The following BARD1 variants were observed in gnomAD, a reference collection of about 807,000 sequenced individuals.
The protein encoded by BARD1 is BRCA1 associated RING domain 1, also known as BRCA1-associated RING domain protein 1.
A neutral mutation model predicts 77.0 loss-of-function variants in BARD1; 73 were observed. The observed-to-expected ratio is 0.95, with a 90% CI of 0.79 to 1.15. The LOEUF (loss-of-function observed/expected upper bound fraction) is 1.15, where lower values mean the gene tolerates loss of function less well. Among genes scored for constraint, BARD1 ranks in the 50% most tolerant of loss-of-function variants. The pLI, the probability that BARD1 is intolerant of heterozygous loss-of-function variation, is 0.00. For missense variants in BARD1, 993 were observed against 938.8 expected, an observed-to-expected ratio of 1.06 and a Z score of -0.75; for synonymous variants, 384 against 338.0, an observed-to-expected ratio of 1.14 and a Z score of -1.49.
In BARD1 at chr2:214,768,841, G is replaced by A. The variant is rs1481179381; in HGVS notation, c.1395+391C>T. On this transcript the variant is annotated intron_variant, in intron 5 of 10. Coordinates refer to ENST00000260947, the MANE Select transcript of BARD1 (RefSeq NM_000465.4). Reference sequence around the variant, plus strand: ...AGTGAGGCTAAGATAGACCCTCAGTGAGAATTACTTCCTTGTGATCACTTT... The same window carrying A: ...AGTGAGGCTAAGATAGACCCTCAGTAAGAATTACTTCCTTGTGATCACTTT... 2.6e-5 allele frequency among the ~76,000 whole-genome samples: 4 copies of A among 152,192 alleles called. No individual in the cohort carries two copies. The East Asian group carries it at 5.8e-4, about 22-fold the overall frequency.
chr2:214,745,446 AATTT>A (rs1195064951), intron 8 of BARD1, among the ~76,000 whole-genome samples: 1 of 152,180 alleles, frequency 6.6e-6, no homozygotes, highest in Non-Finnish European at 1.5e-5. Context: ...ACTGCACAAC[AATTT>A]ATTTGTCACT....
chr2:214,792,272 T>A (rs751915596), intron 3 of BARD1, 25 bp downstream of exon 3: 1 of 1,610,886 alleles, frequency 6.2e-7, no homozygotes, highest in Admixed American at 1.7e-5. Flanking sequence ...TGAATTTAAC[T>A]AAGAGAGATA....
intron 1 of BARD1, among the ~76,000 whole-genome samples, chr2:214,798,991 T>C (rs1479711183): frequency 2.0e-5 from 3 of 151,870 alleles, no homozygotes; most frequent in Admixed American, 6.6e-5. Flanking sequence ...GTGGTGCATG[T>C]CTGTAATGCC....
chr2:214,775,433 C>T (rs547566887), intron 4 of BARD1, among the ~76,000 whole-genome samples: 1 of 152,256 alleles, frequency 6.6e-6, no homozygotes, highest in Admixed American at 6.5e-5. Context: ...TTAAGTTTGC[C>T]ATGTTACATG....
At chr2:214,800,824 C>T (rs530578207) in intron 1 of BARD1, among the ~76,000 whole-genome samples, 2 of 152,076 alleles carry the variant, frequency 1.3e-5, no homozygotes, top group Non-Finnish European at 2.9e-5. Flanking sequence ...AGAGATGCTA[C>T]AGAACTGTGG....
At chr2:214,796,384 A>G (rs1204837452) in intron 2 of BARD1, among the ~76,000 whole-genome samples, 1 of 152,248 alleles carries the variant, frequency 6.6e-6, no homozygotes, top group East Asian at 1.9e-4. Context: ...AGATGAGAAC[A>G]TTAGGGTGAG....
intron 1 of BARD1, among the ~76,000 whole-genome samples, chr2:214,800,061 T>C (rs1030455966): frequency 6.6e-5 from 10 of 152,242 alleles, no homozygotes; most frequent in African/African-American, 2.2e-4. Flanking sequence ...TCCGTAGCCT[T>C]CCGGCTTTCT....
intron 7 of BARD1, among the ~76,000 whole-genome samples, chr2:214,747,379 T>A (rs1333469223): frequency 7.2e-6 from 1 of 139,460 alleles, no homozygotes. Flanking sequence ...GGATTATAAA[T>A]CGTGCTGCTA....
At chr2:214,762,206 A>G (rs1451976278) in intron 6 of BARD1, among the ~76,000 whole-genome samples, 1 of 152,228 alleles carries the variant, frequency 6.6e-6, no homozygotes, top group Non-Finnish European at 1.5e-5. Context: ...AATATTGTAT[A>G]AAATTACCTT....
At chr2:214,762,373 C>T (rs1225249165) in intron 6 of BARD1, among the ~76,000 whole-genome samples, 1 of 152,110 alleles carries the variant, frequency 6.6e-6, no homozygotes, top group East Asian at 1.9e-4. Context: ...GCAAGGGATA[C>T]TCAGTCTATA....
chr2:214,780,727 T>C lies in BARD1; in HGVS notation c.1147A>G (p.Met383Val), dbSNP rs761516178. ...GGTSGRKNSN[M>V]SDEFISLSPG... ...GAAAGACTAATGAATTCATCGGACA[T>C]GTTACTGTTTTTCCTCCCTGATGTA... The change falls in exon 4 of 11, where the codon ATG becomes GTG. Residue 383 changes from methionine (M) to valine (V), a missense_variant. Transcript: ENST00000260947. 1.2e-6 allele frequency: 2 copies of C among 1,614,072 alleles called. No homozygotes were observed. The highest frequency in any genetic ancestry group is 1.1e-5 in the South Asian group (1 of 91,080).
chr2:214,789,138 C>T (rs913803118), intron 3 of BARD1, among the ~76,000 whole-genome samples: 1 of 152,064 alleles, frequency 6.6e-6, no homozygotes, highest in Non-Finnish European at 1.5e-5. Flanking sequence ...AAGAAAGATA[C>T]TACCATTATA....
intron 3 of BARD1, among the ~76,000 whole-genome samples, chr2:214,791,350 G>A (rs961864106): frequency 4.6e-5 from 7 of 152,012 alleles, no homozygotes; most frequent in African/African-American, 1.7e-4. Flanking sequence ...AGACATCATG[G>A]CAGGATTCTA....
chr2:214,795,564 G>T (rs1387669307), intron 2 of BARD1, among the ~76,000 whole-genome samples: 1 of 152,060 alleles, frequency 6.6e-6, no homozygotes, highest in African/African-American at 2.4e-5. Context: ...AAGGGGTGAT[G>T]ATGCCAAAAA....
In BARD1 at chr2:214,728,999, G is replaced by A. The variant is rs1692230711; in HGVS notation, c.2011C>T (p.Leu671=). The change falls in exon 11 of 11, where the codon CTG becomes TTG. Residue 671 remains leucine (L), a synonymous_variant. Transcript: ENST00000260947. The stretch of plus-strand genomic sequence containing the variant: ...AAATAGAAGTAGCATCCATCAAACA[G>A]CTTTGGCAACTGAAATAATGAGAAA... The part of the protein sequence containing the change: ...RLNREQLLPK[L]FDGCYFYLWG... The A allele has an allele frequency of 6.2e-7, 1 of 1,614,096 alleles. No individual in the cohort carries two copies. The highest frequency in any genetic ancestry group is 8.5e-7 in the Non-Finnish European group (1 of 1,180,008).
chr2:214,791,141 A>G (rs1695492999), intron 3 of BARD1, among the ~76,000 whole-genome samples: 1 of 152,140 alleles, frequency 6.6e-6, no homozygotes, highest in Non-Finnish European at 1.5e-5. Flanking sequence ...AAGTAAGAAA[A>G]ACTTCTGCAC....
rs1056380397 is a variant in BARD1 at position 214,782,039 on chromosome 2, CTT to C, written c.365-532_365-531del. On this transcript the variant is annotated intron_variant, in intron 3 of 10. Coordinates refer to ENST00000260947, the MANE Select transcript of BARD1 (RefSeq NM_000465.4). ...AAGGTACAATTTGAAAGGCAAAAGA[CTT>C]AGAACAACCAACATAATACTGAAGA... Among the ~76,000 whole-genome samples the C allele has an allele frequency of 6.6e-5, 10 of 152,096 alleles. 1 individual carries two copies. Among genetic ancestry groups the C allele is most frequent in the South Asian group, 4.1e-4 (2 of 4,824 alleles).
intron 7 of BARD1, among the ~76,000 whole-genome samples, chr2:214,749,924 A>G (rs1017117949): frequency 1.6e-4 from 24 of 152,122 alleles, no homozygotes; most frequent in African/African-American, 5.8e-4. Context: ...ATAGTTTGGA[A>G]CAGATTTATA....
At chr2:214,760,708 T>G (rs1693914704) in intron 6 of BARD1, among the ~76,000 whole-genome samples, 1 of 152,172 alleles carries the variant, frequency 6.6e-6, no homozygotes, top group South Asian at 2.1e-4. Flanking sequence ...AGTTATAAAG[T>G]TAATCAAAAT....
Sources: gnomAD v4.1 joint callset for allele counts (sites outside exome capture counted in the v4.1 genomes callset) on GRCh38, gnomAD v4.1.1 for gene constraint, MANE v1.5 for transcripts, NCBI Gene and HGNC (gene_info 2026-07-23, HGNC 2026-07-21) for gene names.